Variants in PCDHGA3 observed in about 807,000 individuals in gnomAD.
PCDHGA3 encodes the protein protocadherin gamma subfamily A, 3.
A neutral mutation model predicts 58.5 loss-of-function variants in PCDHGA3; 40 were observed. That is an observed-to-expected ratio of 0.68 (90% CI 0.53 to 0.89). The LOEUF is 0.89. PCDHGA3 is among the 40% of genes least tolerant of loss of function. The pLI, the probability that PCDHGA3 is intolerant of heterozygous loss-of-function variation, is 0.00. For missense variants in PCDHGA3, 1,223 were observed against 1,195.9 expected (o/e 1.02, Z -0.33); for synonymous variants, 530 against 525.7 (o/e 1.01, Z -0.11).
In PCDHGA3 at chr5:141,478,301, G is replaced by C. The variant is rs778427815; in HGVS notation, c.2425-16506G>C. ...GAAGCAGTCTAGAGACCTATACCGA[G>C]CCCCGGTGAGCTCACTGTACCGAAC... On this transcript the variant is annotated intron_variant, in intron 1 of 3. Coordinates refer to ENST00000253812, the MANE Select transcript of PCDHGA3 (RefSeq NM_018916.4). 2.5e-6 allele frequency: 4 copies of C among 1,614,074 alleles called. No individual in the cohort carries two copies. In the South Asian group the frequency reaches 4.4e-5, roughly 18 times the overall value.
intron 1 of PCDHGA3, among the ~76,000 whole-genome samples, chr5:141,455,489 A>T (rs925133619): frequency 3.9e-5 from 6 of 152,152 alleles, no homozygotes; most frequent in African/African-American, 4.8e-5. Context: ...GGTGGAGGTG[A>T]TGTCTGATTT....
Position 141,432,502 on chromosome 5 carries a change from C to T in PCDHGA3, c.2425-62305C>T. On this transcript the variant is annotated intron_variant, in intron 1 of 3. Transcript: ENST00000253812. This position sits in a 1 kb window ranked among gnomAD's most constrained non-coding sequence, Gnocchi z 6.0. ...CTGGCGTGGAGCTGGCTCCCCGCTC[C>T]GCAGAGCCCGGCTACCTGGTGACCA... 6.2e-7 allele frequency: 1 copy of T among 1,614,142 alleles called. No individual in the cohort carries two copies. The highest frequency in any genetic ancestry group is 8.5e-7 in the Non-Finnish European group (1 of 1,180,042).
chr5:141,344,512 C>A lies in PCDHGA3; in HGVS notation c.479C>A (p.Pro160Gln), dbSNP rs1412560848. The A allele has an allele frequency of 1.2e-6, 2 of 1,613,954 alleles. No individual in the cohort carries two copies. Among genetic ancestry groups the A allele is most frequent in the Admixed American group, 3.3e-5 (2 of 60,018 alleles). ...TRFPIKTAFD[P>Q]DVGINSLQNY... ...TTTCCAATTAAAACTGCTTTTGACCCAGATGTAGGCATTAACTCCCTGCAG... is the reference window on the plus strand; with the variant it reads ...TTTCCAATTAAAACTGCTTTTGACCAAGATGTAGGCATTAACTCCCTGCAG... The change falls in exon 1 of 4, where the codon CCA becomes CAA. Residue 160 changes from proline (P) to glutamine (Q), a missense_variant. Coordinates refer to ENST00000253812, the MANE Select transcript of PCDHGA3 (RefSeq NM_018916.4).
chr5:141,376,073 G>T, intron 1 of PCDHGA3: 6 of 1,613,508 alleles, frequency 3.7e-6, no homozygotes, highest in South Asian at 1.1e-5. Context: ...CACCGTGGCC[G>T]TGGCCGACAG....
intron 1 of PCDHGA3, among the ~76,000 whole-genome samples, chr5:141,452,529 G>A (rs758947494): frequency 1.3e-5 from 2 of 152,176 alleles, no homozygotes; most frequent in Non-Finnish European, 2.9e-5. Context: ...AAAATCGTGA[G>A]TTCATATTGA....
intron 1 of PCDHGA3, chr5:141,376,739 T>C (rs1773315413): frequency 8.0e-6 from 4 of 502,200 alleles, no homozygotes; most frequent in Non-Finnish European, 1.4e-5. Flanking sequence ...GACTGCGGAC[T>C]GCAGTGGCGC....
intron 1 of PCDHGA3, chr5:141,400,694 C>T: frequency 1.3e-6 from 1 of 763,776 alleles, no homozygotes; most frequent in South Asian, 1.9e-5. Context: ...GTTTTTATGT[C>T]GCATAAAAGA....
intron 1 of PCDHGA3, chr5:141,361,599 C>T (rs765204837): frequency 6.2e-7 from 1 of 1,614,058 alleles, no homozygotes; most frequent in Non-Finnish European, 8.5e-7. Flanking sequence ...GCCAAGTTTC[C>T]TACTCCATCG....
intron 1 of PCDHGA3, chr5:141,375,578 G>A (rs2150062565): frequency 1.9e-6 from 3 of 1,614,062 alleles, no homozygotes; most frequent in Non-Finnish European, 2.5e-6. Context: ...CCTCCAGGGG[G>A]CGCCCCTGTC....
intron 1 of PCDHGA3, among the ~76,000 whole-genome samples, chr5:141,402,471 A>G (rs1241536886): frequency 6.6e-6 from 1 of 152,238 alleles, no homozygotes; most frequent in Non-Finnish European, 1.5e-5. Context: ...CTAGAAATAG[A>G]GTGCAAAGTT....
At chr5:141,383,464 A>C (rs368298668) in intron 1 of PCDHGA3, 99 of 1,613,728 alleles carry the variant, frequency 6.1e-5, no homozygotes, top group Non-Finnish European at 8.2e-5. Context: ...AGACGATGAA[A>C]CTAAGTACCC....
chr5:141,409,459 T>A lies in PCDHGA3; in HGVS notation c.2424+63002T>A, dbSNP rs139792503. 3.7e-6 allele frequency: 6 copies of A among 1,613,832 alleles called. 1 individual carries two copies. The highest frequency in any genetic ancestry group is 3.3e-4 in the Middle Eastern group (2 of 6,084). ...ACCGAGAGCAGACACCAGAATACAATGTCACCATCGTAGCCACTGACAGGG... is the reference window on the plus strand; with the variant it reads ...ACCGAGAGCAGACACCAGAATACAAAGTCACCATCGTAGCCACTGACAGGG... On this transcript the variant is annotated intron_variant, in intron 1 of 3. Transcript: ENST00000253812.
At chr5:141,394,868 C>T in intron 1 of PCDHGA3, 1 of 1,613,828 alleles carries the variant, frequency 6.2e-7, no homozygotes, top group Non-Finnish European at 8.5e-7. Flanking sequence ...TCGACCCGAA[C>T]GATTCGAGCC....
chr5:141,425,530 A>G (rs1485711838), intron 1 of PCDHGA3, among the ~76,000 whole-genome samples: 1 of 152,246 alleles, frequency 6.6e-6, no homozygotes, highest in Non-Finnish European at 1.5e-5. Flanking sequence ...ACATGAAACA[A>G]TAATCCTTTT....
intron 2 of PCDHGA3, among the ~76,000 whole-genome samples, chr5:141,497,622 C>G (rs1434147255): frequency 6.6e-6 from 1 of 151,538 alleles, no homozygotes; most frequent in African/African-American, 2.4e-5. Context: ...TCACTGCAAC[C>G]TCTGCCTGCC....
At chr5:141,478,016 G>A (rs1204231648) in intron 1 of PCDHGA3, 1 of 1,614,108 alleles carries the variant, frequency 6.2e-7, no homozygotes, top group Non-Finnish European at 8.5e-7. Context: ...TGCCCGTCCA[G>A]TCCAAGACAC....
At chr5:141,394,112 C>G (rs771784855) in intron 1 of PCDHGA3, 9 of 1,613,946 alleles carry the variant, frequency 5.6e-6, no homozygotes, top group African/African-American at 2.7e-5. Flanking sequence ...CACCTCTGTC[C>G]ACTGAAACTC....
At chr5:141,509,551 C>T (rs2099877337) in intron 3 of PCDHGA3, among the ~76,000 whole-genome samples, 1 of 152,164 alleles carries the variant, frequency 6.6e-6, no homozygotes, top group South Asian at 2.1e-4. Context: ...CTCATTTAGT[C>T]CTCACAGCAG....
chr5:141,486,150 G>T lies in PCDHGA3; in HGVS notation c.2425-8657G>T. The T allele has an allele frequency of 6.2e-7, 1 of 1,614,180 alleles. No individual in the cohort carries two copies. The highest frequency in any genetic ancestry group is 8.5e-7 in the Non-Finnish European group (1 of 1,180,030). On this transcript the variant is annotated intron_variant, in intron 1 of 3. Transcript: ENST00000253812. This position sits in a 1 kb window ranked among gnomAD's most constrained non-coding sequence, Gnocchi z 5.0. The stretch of plus-strand genomic sequence containing the variant: ...TTTGATGTGCGGGCTCGCGATGGGG[G>T]TTCTCCAGCCATGGAGCAACATTGC...
Sources: allele counts gnomAD v4.1 joint callset (sites outside exome capture counted in the v4.1 genomes callset), GRCh38; gene constraint gnomAD v4.1.1; non-coding constraint Gnocchi (gnomAD v3.1); transcripts MANE v1.5; gene names NCBI Gene and HGNC (gene_info 2026-07-23, HGNC 2026-07-21).